SLX4: variants seen among roughly 807,000 people sequenced by gnomAD.
SLX4 encodes the protein structure-specific endonuclease subunit SLX4.
In SLX4, 112 loss-of-function variants were observed where a neutral mutation model predicts 146.2. The ratio of observed to expected loss-of-function variants is 0.77; its 90% CI spans 0.66 to 0.90. The LOEUF (loss-of-function observed/expected upper bound fraction) is 0.90. SLX4 is among the 40% of genes least tolerant of loss of function. The pLI, the probability that SLX4 is intolerant of heterozygous loss-of-function variation, is 0.00. For missense variants in SLX4, 2,563 were observed against 2,392.7 expected (o/e 1.07, Z -1.49); for synonymous variants, 1,061 against 997.7 (o/e 1.06, Z -1.20).
intron 3 of SLX4, among the ~76,000 whole-genome samples, chr16:3,605,098 AT>A (rs1293470288): frequency 3.4e-5 from 5 of 147,590 alleles, no homozygotes; most frequent in Non-Finnish European, 4.5e-5. Context: ...TTAAAAAAAA[AT>A]TTTTTTTTGA....
chr16:3,595,490 G>A, intron 9 of SLX4, 115 bp downstream of exon 9: 1 of 1,153,504 alleles, frequency 8.7e-7, no homozygotes, highest in Non-Finnish European at 1.3e-6. Context: ...CAGAGGCCTT[G>A]AGAGGCCACT....
At chr16:3,601,804 G>A (rs1394035051) in intron 4 of SLX4, 3 of 382,202 alleles carry the variant, frequency 7.8e-6, no homozygotes, top group Non-Finnish European at 5.0e-6. Context: ...AGGGGAGAGA[G>A]GGGCAATAGG....
intron 3 of SLX4, 83 bp from the exon 4 acceptor site, chr16:3,602,390 GA>G: frequency 6.6e-7 from 1 of 1,514,118 alleles, no homozygotes; most frequent in Non-Finnish European, 9.1e-7. Context: ...AGCTCCTGCA[GA>G]CCATGGGGAG....
chr16:3,589,479 T>A lies in SLX4; in HGVS notation c.4159A>T (p.Thr1387Ser). 3.7e-6 allele frequency: 6 copies of A among 1,609,224 alleles called. No individual in the cohort carries two copies. In the South Asian group the frequency reaches 6.6e-5, roughly 18 times the overall value. The stretch of plus-strand genomic sequence containing the variant: ...ACTTCCACCACTTCACCCGCTGGGG[T>A]CTGGTTCAGGAAGCTTGGCCCAGGC... ...SPPGPSFLNQ[T>S]PAGEVVEVGD... The change falls in exon 12 of 15, where the codon ACC (threonine) becomes TCC (serine). Residue 1387 changes from threonine (T) to serine (S), a missense_variant. Coordinates refer to ENST00000294008, the MANE Select transcript of SLX4 (RefSeq NM_032444.4). The surrounding 1 kb of genome is among the most constrained non-coding windows in gnomAD (Gnocchi z 6.2).
In SLX4 at chr16:3,608,906, A is replaced by G; in HGVS notation, c.59T>C (p.Leu20Pro). The change falls in exon 2 of 15, where the codon CTG (leucine) becomes CCG (proline). Residue 20 changes from leucine (L) to proline (P), a missense_variant. By Grantham distance (98) the Leu-to-Pro change is moderately conservative (BLOSUM62 -3). Transcript: ENST00000294008. ...LGFYLGSLSH[L>P]SACPGIDPRS... is the part of the protein sequence containing the mutation. ...AGGGTCAATCCCAGGACAGGCAGAC[A>G]GATGAGAAAGTGAACCCAAGTAGAA... 6.2e-7 allele frequency: 1 copy of G among 1,614,204 alleles called. No individual in the cohort carries two copies. Among genetic ancestry groups the G allele is most frequent in the Non-Finnish European group, 8.5e-7 (1 of 1,180,022 alleles).
Position 3,582,367 on chromosome 16 carries a change from C to T in SLX4, c.5480G>A (p.Gly1827Asp). The change falls in exon 15 of 15, where the codon GGC becomes GAC. Residue 1827 changes from glycine to aspartate, a missense_variant. Transcript: ENST00000294008. ...TCAGTTCCGCTCCACCTTCTTCTTG[C>T]CCCGAGGCTGCCGCCTCCTGCCCTG... is the stretch of plus-strand genomic sequence containing the variant. ...KLQGRRRQPR[G>D]KKKVERN 6.2e-7 allele frequency: 1 copy of T among 1,612,908 alleles called. No individual in the cohort carries two copies. The highest frequency in any genetic ancestry group is 1.3e-5 in the African/African-American group (1 of 75,030).
Position 3,583,344 on chromosome 16 carries a change from G to C in SLX4, c.4906C>G (p.Pro1636Ala), listed in dbSNP as rs770335237. 6.2e-7 allele frequency: 1 copy of C among 1,613,738 alleles called. No homozygotes were observed. The highest frequency in any genetic ancestry group is 1.1e-5 in the South Asian group (1 of 91,078). ...CQTLASQTYKPSRAGVHAQQE... is the reference protein window; with the variant it reads ...CQTLASQTYKASRAGVHAQQE... ...TGGGCATGGACCCCTGCCCTTGAAG[G>C]CTTGTAGGTCTGGGAGGCGAGGGTC... The change falls in exon 14 of 15, where the codon CCT becomes GCT. Residue 1636 changes from proline to alanine, a missense_variant. Physicochemically the swap from Pro to Ala is conservative, Grantham distance 27. Coordinates refer to ENST00000294008, the MANE Select transcript of SLX4 (RefSeq NM_032444.4).
intron 3 of SLX4, among the ~76,000 whole-genome samples, chr16:3,602,583 A>G (rs1218159165): frequency 6.6e-6 from 1 of 152,242 alleles, no homozygotes; most frequent in Non-Finnish European, 1.5e-5. Context: ...GTCCAGGTGC[A>G]GCCTGAGACT....
rs1490630727 is a variant in SLX4, at chr16:3,595,666, G to A, written c.1952C>T (p.Pro651Leu). 6.2e-7 allele frequency: 1 copy of A among 1,614,002 alleles called. No individual in the cohort carries two copies. Among genetic ancestry groups the A allele is most frequent in the Non-Finnish European group, 8.5e-7 (1 of 1,180,040 alleles). ...CGATGGCACCACAAACCCAGTCAGA[G>A]GAAGGCCGCCGGGCACCACGTCCAA... ...AGLDVVPGGL[P>L]LTGFVVPSQD... Residue 651 changes from proline to leucine, a missense_variant, in exon 9 of 15, where the codon CCT becomes CTT. Pro to Leu is a moderately conservative substitution (Grantham distance 98). Coordinates refer to ENST00000294008, the MANE Select transcript of SLX4 (RefSeq NM_032444.4).
At chr16:3,584,634 C>T (rs1185626252) in intron 13 of SLX4, 135 bp downstream of exon 13, 18 of 777,982 alleles carry the variant, frequency 2.3e-5, no homozygotes, top group Non-Finnish European at 3.7e-5. Context: ...GACCTTTCTT[C>T]CCAAGCCCAG....
rs118098382 is a variant in SLX4, at chr16:3,602,339, A to C, written c.761-32T>G. 22,863 of 1,611,100 alleles carry C rather than the reference A, an allele frequency of 0.014. 188 individuals carry two copies. Among genetic ancestry groups the C allele is most frequent in the Non-Finnish European group, 0.018 (20,996 of 1,179,598 alleles). Reference sequence around the variant, plus strand: ...AGAAGCACCAAAGATCCGTGAGAATAAACTCCAAAGACAAGCTCACCCTCA... The same window carrying C: ...AGAAGCACCAAAGATCCGTGAGAATCAACTCCAAAGACAAGCTCACCCTCA... On this transcript the variant is annotated intron_variant, in intron 3 of 14. Transcript: ENST00000294008.
chr16:3,598,226 C>T (rs947024153), intron 5 of SLX4, among the ~76,000 whole-genome samples: 6 of 152,238 alleles, frequency 3.9e-5, no homozygotes. Context: ...TCACGTGCTG[C>T]TGTCCAGCAG....
At position 3,592,844 on chromosome 16, in the gene SLX4, C is replaced by A. The variant is rs776707468; in HGVS notation, c.2182G>T (p.Ala728Ser). 6.2e-7 allele frequency: 1 copy of A among 1,611,328 alleles called. No individual in the cohort carries two copies. The highest frequency in any genetic ancestry group is 8.5e-7 in the Non-Finnish European group (1 of 1,179,354). The stretch of plus-strand genomic sequence containing the variant: ...TGGGTCAGAACCCCGTCCTCTACAG[C>A]GGAGAAGCCTTCATTGTTCACCTGC... The part of the protein sequence containing the change: ...IQYVNNEGFS[A>S]VEDGVLTQRV... The change falls in exon 11 of 15, where the codon GCT becomes TCT. Residue 728 changes from alanine to serine, a missense_variant. Transcript: ENST00000294008.
In SLX4 at chr16:3,590,782, C is replaced by T. The variant is rs1434868021; in HGVS notation, c.2856G>A (p.Ala952=). Residue 952 remains alanine (A), a synonymous_variant, in exon 12 of 15, where the codon GCG becomes GCA. Transcript: ENST00000294008. This position sits in a 1 kb window ranked among gnomAD's most constrained non-coding sequence, Gnocchi z 4.8. ...GGCTGGAGCAGCTGGAATGGCCAAG[C>T]GCCTCCTCTGGCGCCTCCTGCTCAG... The part of the protein sequence containing the change: ...EAPEQEAPEE[A]LGHSSCSSPS... 14 of 1,613,892 alleles carry T rather than the reference C, an allele frequency of 8.7e-6. No individual in the cohort carries two copies. The East Asian group carries it at 1.3e-4, about 15-fold the overall frequency.
rs763869769 is a variant in SLX4, at chr16:3,597,399, C to G, written c.1663G>C (p.Val555Leu). Residue 555 changes from valine to leucine, a missense_variant, in exon 7 of 15, where the codon GTG becomes CTG. Physicochemically the swap from Val to Leu is conservative, Grantham distance 32. Transcript: ENST00000294008. This position sits in a 1 kb window ranked among gnomAD's most constrained non-coding sequence, Gnocchi z 4.4. ...FYTARLVPPLVPQRPAQGLMQ... is the reference protein window; with the variant it reads ...FYTARLVPPLLPQRPAQGLMQ... ...CTCACCTGGGCAGGCCGCTGGGGCA[C>G]GAGAGGAGGGACCAGCCTGGCCGTG... The G allele has an allele frequency of 3.1e-6, 5 of 1,588,316 alleles. No homozygotes were observed. The East Asian group carries it at 1.1e-4, about 36-fold the overall frequency.
At position 3,608,716 on chromosome 16, in the gene SLX4, G is replaced by A. The variant is rs1482443538; in HGVS notation, c.249C>T (p.Gly83=). 1 of 1,614,112 alleles carries A rather than the reference G, an allele frequency of 6.2e-7. No homozygotes were observed. The highest frequency in any genetic ancestry group is 1.3e-5 in the African/African-American group (1 of 74,936). The change falls in exon 2 of 15, where the codon GGC becomes GGT. Residue 83 remains glycine, a synonymous_variant. Transcript: ENST00000294008. The part of the protein sequence containing the change: ...ERKTQKAASN[G]TQIRSKLKRT... The stretch of plus-strand genomic sequence containing the variant: ...TTTTCAATTTGCTTCTTATCTGAGT[G>A]CCGTTTGAGGCAGCCTTTTGTGTCT...
chr16:3,583,647 G>A, intron 13 of SLX4, 137 bp from the exon 14 acceptor site: 1 of 911,102 alleles, frequency 1.1e-6, no homozygotes, highest in Non-Finnish European at 1.8e-6. Flanking sequence ...CCTGACTTCT[G>A]TGAGCATCAG....
intron 9 of SLX4, 36 bp from the exon 10 acceptor site, chr16:3,594,635 C>A (rs1173162060): frequency 1.2e-6 from 2 of 1,613,368 alleles, no homozygotes; most frequent in African/African-American, 1.3e-5. Context: ...GTCACCTCCC[C>A]ACCTCTGCTC....
chr16:3,582,608 CGGCTGCCTGCGA>C lies in SLX4; in HGVS notation c.5227_5238del (p.Ser1743_Ala1746del). The C allele has an allele frequency of 6.2e-7, 1 of 1,613,588 alleles. No homozygotes were observed. Among genetic ancestry groups the C allele is most frequent in the Non-Finnish European group, 8.5e-7 (1 of 1,180,052 alleles). On this transcript the variant is annotated inframe_deletion, in exon 15 of 15. Coordinates refer to ENST00000294008, the MANE Select transcript of SLX4 (RefSeq NM_032444.4). ...GCCTCGTCTGTGTCCGCCGCCTGCA[CGGCTGCCTGCGA>C]GGCACTGACCTCCCCCTCGCCCTCC...
Sources: allele counts gnomAD v4.1 joint callset (sites outside exome capture counted in the v4.1 genomes callset), GRCh38; gene constraint gnomAD v4.1.1; non-coding constraint Gnocchi (gnomAD v3.1); transcripts MANE v1.5; gene names NCBI Gene and HGNC (gene_info 2026-07-23, HGNC 2026-07-21).